AUH: variants seen among roughly 807,000 people sequenced by gnomAD.
AUH encodes the protein methylglutaconyl-CoA hydratase, mitochondrial.
In AUH, 29 loss-of-function variants were observed where a neutral mutation model predicts 42.3. The ratio of observed to expected loss-of-function variants is 0.69; its 90% confidence interval spans 0.51 to 0.93. The LOEUF (loss-of-function observed/expected upper bound fraction) is 0.93. Among genes scored for constraint, AUH ranks in the 40% least tolerant of loss-of-function variants. The pLI is 0.00. For synonymous variants in AUH, 174 were observed against 166.4 expected, an observed-to-expected ratio of 1.05 and a Z score of -0.35; for missense variants, 452 against 438.1, an observed-to-expected ratio of 1.03 and a Z score of -0.28.
chr9:91,337,613 T>A (rs778315323), intron 3 of AUH, among the ~76,000 whole-genome samples: 2 of 152,178 alleles, frequency 1.3e-5, no homozygotes, highest in Non-Finnish European at 2.9e-5. Flanking sequence ...CACCAACCCA[T>A]ATATAAAGCT....
chr9:91,256,410 C>T (rs1300140958), intron 6 of AUH, among the ~76,000 whole-genome samples: 1 of 152,078 alleles, frequency 6.6e-6, no homozygotes, highest in Non-Finnish European at 1.5e-5. Context: ...CTGAGCCTGC[C>T]CTCCTTTGGT....
chr9:91,283,273 A>G (rs1826122287), intron 6 of AUH, among the ~76,000 whole-genome samples: 1 of 152,236 alleles, frequency 6.6e-6, no homozygotes, highest in Admixed American at 6.5e-5. Context: ...CCTTCATGCT[A>G]AAAACTCTCA....
At chr9:91,311,669 G>A (rs778101901) in intron 4 of AUH, among the ~76,000 whole-genome samples, 4 of 152,118 alleles carry the variant, frequency 2.6e-5, no homozygotes, top group Non-Finnish European at 5.9e-5. Flanking sequence ...CCTCAGTGAG[G>A]TAATTAACAT....
intron 7 of AUH, among the ~76,000 whole-genome samples, chr9:91,219,680 G>A (rs1827023268): frequency 6.6e-6 from 1 of 152,180 alleles, no homozygotes; most frequent in East Asian, 1.9e-4. Flanking sequence ...AGTTAATTAA[G>A]AAGGACCAGA....
chr9:91,227,046 G>T (rs966924762), intron 6 of AUH, among the ~76,000 whole-genome samples: 9 of 151,714 alleles, frequency 5.9e-5, no homozygotes, highest in Admixed American at 1.3e-4. Context: ...CTCTTTTTTG[G>T]TTCCATATGA....
intron 6 of AUH, among the ~76,000 whole-genome samples, chr9:91,250,887 C>T (rs964148376): frequency 6.6e-6 from 1 of 152,182 alleles, no homozygotes; most frequent in Non-Finnish European, 1.5e-5. Flanking sequence ...GATTTCTGCT[C>T]TAGAGGACTT....
chr9:91,241,304 A>C (rs1828500308), intron 6 of AUH, among the ~76,000 whole-genome samples: 1 of 152,192 alleles, frequency 6.6e-6, no homozygotes, highest in African/African-American at 2.4e-5. Flanking sequence ...TACAGTAAAA[A>C]TATCATGCCA....
At chr9:91,299,471 A>T (rs1827616654) in intron 4 of AUH, among the ~76,000 whole-genome samples, 1 of 152,176 alleles carries the variant, frequency 6.6e-6, no homozygotes, top group Non-Finnish European at 1.5e-5. Flanking sequence ...GCAGGCGTGG[A>T]AGGGGCTTTT....
chr9:91,328,414 G>A (rs73651418), intron 3 of AUH, among the ~76,000 whole-genome samples: 32 of 152,326 alleles, frequency 2.1e-4, no homozygotes, highest in African/African-American at 7.2e-4. Flanking sequence ...AGGCAGCCAG[G>A]ATGTAAGAGG....
chr9:91,278,969 C>T (rs1587753354), intron 6 of AUH, among the ~76,000 whole-genome samples: 1 of 152,138 alleles, frequency 6.6e-6, no homozygotes, highest in Admixed American at 6.5e-5. Flanking sequence ...TCTTCAGTGA[C>T]AGAAAGCAGT....
At chr9:91,321,448 C>T (rs1261935187) in intron 4 of AUH, among the ~76,000 whole-genome samples, 2 of 151,660 alleles carry the variant, frequency 1.3e-5, no homozygotes, top group Non-Finnish European at 2.9e-5. Flanking sequence ...TACAAAACCC[C>T]CAGATGCAAT....
chr9:91,345,648 A>G (rs1238289011), intron 3 of AUH, among the ~76,000 whole-genome samples: 1 of 151,894 alleles, frequency 6.6e-6, no homozygotes, highest in Non-Finnish European at 1.5e-5. Context: ...CCTGGCTAAT[A>G]CGGTGAAACC....
chr9:91,279,940 T>C (rs1416248626), intron 6 of AUH, among the ~76,000 whole-genome samples: 2 of 152,200 alleles, frequency 1.3e-5, no homozygotes, highest in Non-Finnish European at 2.9e-5. Context: ...TTAACTCTAT[T>C]ATTCCAAATC....
intron 4 of AUH, among the ~76,000 whole-genome samples, chr9:91,299,750 C>G (rs958088971): frequency 1.3e-5 from 2 of 152,158 alleles, no homozygotes; most frequent in African/African-American, 4.8e-5. Flanking sequence ...TCCTGAGCTA[C>G]TACAAGTAGA....
chr9:91,266,864 A>C (rs1830004688), intron 6 of AUH, among the ~76,000 whole-genome samples: 1 of 152,250 alleles, frequency 6.6e-6, no homozygotes, highest in Non-Finnish European at 1.5e-5. Context: ...ATATATTTTA[A>C]GGGTTAGATA....
intron 3 of AUH, among the ~76,000 whole-genome samples, chr9:91,327,380 CTT>C (rs1345984874): frequency 6.6e-6 from 1 of 152,194 alleles, no homozygotes; most frequent in Non-Finnish European, 1.5e-5. Context: ...CCCTCACTCT[CTT>C]GATTGGTTCC....
chr9:91,259,561 C>G (rs1238221390), intron 6 of AUH, among the ~76,000 whole-genome samples: 1 of 151,400 alleles, frequency 6.6e-6, no homozygotes, highest in Non-Finnish European at 1.5e-5. Context: ...ACCTTTTTTC[C>G]TAAGATTTTA....
intron 7 of AUH, 121 bp downstream of exon 7, chr9:91,220,684 C>T (rs540744328): frequency 5.1e-6 from 5 of 986,820 alleles, no homozygotes; most frequent in Non-Finnish European, 7.6e-6. Flanking sequence ...AGAGCCCACG[C>T]ATCCCTTTAC....
At chr9:91,299,260 C>G (rs1827596721) in intron 4 of AUH, among the ~76,000 whole-genome samples, 1 of 152,018 alleles carries the variant, frequency 6.6e-6, no homozygotes, top group Non-Finnish European at 1.5e-5. Flanking sequence ...GGTACTATCC[C>G]CCAAAATCTC....
Sources: gnomAD v4.1 joint callset for allele counts (sites outside exome capture counted in the v4.1 genomes callset) on GRCh38, gnomAD v4.1.1 for gene constraint, MANE v1.5 for transcripts, NCBI Gene and HGNC (gene_info 2026-07-23, HGNC 2026-07-21) for gene names.